Variants in CNTRL observed in about 807,000 individuals in gnomAD.
The protein encoded by CNTRL is 110 kDa centrosomal protein.
CNTRL carries 233 observed loss-of-function variants against 303.7 expected under a neutral mutation model. The observed-to-expected ratio is 0.77, with a 90% CI of 0.69 to 0.86. The LOEUF is 0.86. Among genes scored for constraint, CNTRL ranks in the 40% least tolerant of loss-of-function variants. The pLI, the probability that CNTRL is intolerant of heterozygous loss-of-function variation, is 0.00. For missense variants in CNTRL, 2,524 were observed against 2,650.6 expected (o/e 0.95, Z 1.05); for synonymous variants, 900 against 922.2 (o/e 0.98, Z 0.44).
At chr9:121,171,637 A>G (rs2053309912) in intron 40 of CNTRL, 89 bp downstream of exon 40, 2 of 1,334,190 alleles carry the variant, frequency 1.5e-6, no homozygotes, top group Non-Finnish European at 2.0e-6. Context: ...TATCCCTTCT[A>G]TAGTAGTATA....
intron 26 of CNTRL, 141 bp downstream of exon 26, chr9:121,152,834 C>A: frequency 1.5e-6 from 1 of 662,244 alleles, no homozygotes; most frequent in Non-Finnish European, 2.6e-6. Flanking sequence ...CTGTTGAGCA[C>A]TTGAAATGTG....
rs1225967710 is a variant in CNTRL, at chr9:121,167,521, G to T, written c.5688G>T (p.Val1896=). Residue 1896 remains valine (V), a synonymous_variant, in exon 37 of 44, where the codon GTG becomes GTT. Coordinates refer to ENST00000373855, the MANE Select transcript of CNTRL (RefSeq NM_007018.6). ...TTCACACCACCAAGCATCAGGATGT[G>T]TTGCTCAGTGAGCAGACCCGACTCC... ...DLLHTTKHQD[V]LLSEQTRLQK... 1 of 1,613,852 alleles carries T rather than the reference G, an allele frequency of 6.2e-7. No individual in the cohort carries two copies. The highest frequency in any genetic ancestry group is 8.5e-7 in the Non-Finnish European group (1 of 1,179,970).
At chr9:121,097,030 A>G (rs1358426200) in intron 6 of CNTRL, among the ~76,000 whole-genome samples, 1 of 151,878 alleles carries the variant, frequency 6.6e-6, no homozygotes, top group African/African-American at 2.4e-5. Flanking sequence ...TTTGATTATA[A>G]TGTTAGGTGT....
rs763423974 is a variant in CNTRL, at chr9:121,138,580, G to A, written c.2238G>A (p.Lys746=). The A allele has an allele frequency of 4.3e-6, 7 of 1,613,806 alleles. No homozygotes were observed. Among genetic ancestry groups the A allele is most frequent in the Non-Finnish European group, 5.9e-6 (7 of 1,179,872 alleles). ...EQSALQAELE[K]ERQALKNALG... The stretch of plus-strand genomic sequence containing the variant: ...CAGCCCTTCAAGCAGAACTTGAGAA[G>A]GAAAGGCAAGCCCTCAAGAATGCCC... Residue 746 remains lysine (K), a synonymous_variant, in exon 16 of 44, where the codon AAG becomes AAA. Transcript: ENST00000373855.
Position 121,133,657 on chromosome 9 carries a change from A to G in CNTRL, c.2026-2149A>G, listed in dbSNP as rs181081513. On this transcript the variant is annotated intron_variant, in intron 14 of 43. Coordinates refer to ENST00000373855, the MANE Select transcript of CNTRL (RefSeq NM_007018.6). Reference sequence around the variant, plus strand: ...CTTCGGGTCGCCCTCCATGGGCTGCACCCACTGTCCAATCAGTGCCAATGA... The same window carrying G: ...CTTCGGGTCGCCCTCCATGGGCTGCGCCCACTGTCCAATCAGTGCCAATGA... Among the ~76,000 whole-genome samples the G allele has an allele frequency of 1.8e-4, 27 of 152,310 alleles. No homozygotes were observed. In the East Asian group the frequency reaches 4.4e-3, roughly 25 times the overall value.
Position 121,143,986 on chromosome 9 carries a change from C to T in CNTRL, c.2955C>T (p.Thr985=). The part of the protein sequence containing the change: ...ELKKLKKAVA[T]SDKLATAELT... ...AGAAACTAAAGAAAGCCGTGGCCAC[C>T]TCTGATAAGCTAGCCACAGCTGAGC... The change falls in exon 20 of 44, where the codon ACC becomes ACT. Residue 985 remains threonine (T), a synonymous_variant. Coordinates refer to ENST00000373855, the MANE Select transcript of CNTRL (RefSeq NM_007018.6). 1 of 1,613,876 alleles carries T rather than the reference C, an allele frequency of 6.2e-7. No individual in the cohort carries two copies. Among genetic ancestry groups the T allele is most frequent in the Non-Finnish European group, 8.5e-7 (1 of 1,179,882 alleles).
chr9:121,083,644 A>G (rs1240384045), intron 2 of CNTRL, among the ~76,000 whole-genome samples: 2 of 152,226 alleles, frequency 1.3e-5, no homozygotes, highest in South Asian at 2.1e-4. Context: ...CACTCTAACA[A>G]TGAAAAGTAT....
At chr9:121,094,740 G>A (rs1040038173) in intron 4 of CNTRL, 148 bp from the exon 5 acceptor site, 1 of 531,766 alleles carries the variant, frequency 1.9e-6, no homozygotes, top group Non-Finnish European at 3.2e-6. Context: ...GTCAAGGAGA[G>A]CTGCATCAAG....
rs753646030 is a variant in CNTRL at position 121,157,578 on chromosome 9, G to C, written c.4474G>C (p.Val1492Leu). The change falls in exon 28 of 44, where the codon GTC becomes CTC. Residue 1492 changes from valine to leucine, a missense_variant. Val to Leu is a conservative substitution (Grantham distance 32). Coordinates refer to ENST00000373855, the MANE Select transcript of CNTRL (RefSeq NM_007018.6). Reference sequence around the variant, plus strand: ...AGCTCAGGAAACTGCTGTTAACCTCGTCAAAGCTGATCAGCAGCTAAGGTA... The same window carrying C: ...AGCTCAGGAAACTGCTGTTAACCTCCTCAAAGCTGATCAGCAGCTAAGGTA... ...RRAQETAVNL[V>L]KADQQLRSLQ... 3 of 1,614,056 alleles carry C rather than the reference G, an allele frequency of 1.9e-6. No homozygotes were observed. The highest frequency in any genetic ancestry group is 2.5e-6 in the Non-Finnish European group (3 of 1,179,984).
chr9:121,146,173 C>T lies in CNTRL; in HGVS notation c.3376C>T (p.Gln1126Ter). Reference sequence around the variant, plus strand: ...TGAACTTCGACGTGAAGTTTCTTATCAGAATGATTACATAAGCAGCATGGC... The same window carrying T: ...TGAACTTCGACGTGAAGTTTCTTATTAGAATGATTACATAAGCAGCATGGC... ...IAELRREVSYQNDYISSMADP... is the reference protein window; with the variant it reads ...IAELRREVSY Residue 1126 changes from glutamine to a stop codon, truncating the protein, a stop_gained, in exon 23 of 44, where the codon CAG (glutamine) becomes TAG (stop). Coordinates refer to ENST00000373855, the MANE Select transcript of CNTRL (RefSeq NM_007018.6). LOFTEE classifies it high-confidence loss of function. 6.2e-7 allele frequency: 1 copy of T among 1,613,670 alleles called. No individual in the cohort carries two copies. The highest frequency in any genetic ancestry group is 8.5e-7 in the Non-Finnish European group (1 of 1,179,834).
chr9:121,129,355 T>A (rs1300828362), intron 14 of CNTRL, among the ~76,000 whole-genome samples: 1 of 152,210 alleles, frequency 6.6e-6, no homozygotes, highest in Non-Finnish European at 1.5e-5. Flanking sequence ...GTCCTTCACA[T>A]CCCTTGTAAG....
chr9:121,138,746 A>G (rs1003677056), intron 16 of CNTRL, 67 bp downstream of exon 16: 3 of 1,541,830 alleles, frequency 1.9e-6, no homozygotes, highest in African/African-American at 1.4e-5. Flanking sequence ...ATCTTTAGTC[A>G]GGCACTTAGC....
intron 5 of CNTRL, 110 bp from the exon 6 acceptor site, chr9:121,096,312 T>C (rs1041309818): frequency 1.8e-4 from 126 of 693,730 alleles, no homozygotes; most frequent in Non-Finnish European, 2.2e-4. Context: ...TGATAAATTA[T>C]CATTATGAAA....
intron 1 of CNTRL, among the ~76,000 whole-genome samples, chr9:121,077,975 A>G (rs1228895433): frequency 6.6e-6 from 1 of 151,920 alleles, no homozygotes; most frequent in Non-Finnish European, 1.5e-5. Flanking sequence ...ACTACGTACT[A>G]TACATACTAT....
At position 121,148,753 on chromosome 9, in the gene CNTRL, C is replaced by A. The variant is rs148020653; in HGVS notation, c.3541C>A (p.Arg1181Ser). Residue 1181 changes from arginine (R) to serine (S), a missense_variant, in exon 24 of 44, where the codon CGC becomes AGC. Coordinates refer to ENST00000373855, the MANE Select transcript of CNTRL (RefSeq NM_007018.6). ...YSASTPVRKP[R>S]PGQQDGKEGS... The stretch of plus-strand genomic sequence containing the variant: ...AGCCTCAACTCCTGTTAGAAAACCA[C>A]GCCCTGGGCAGCAGGATGGGAAGGA... 2.5e-6 allele frequency: 4 copies of A among 1,614,010 alleles called. No homozygotes were observed. Among genetic ancestry groups the A allele is most frequent in the Non-Finnish European group, 3.4e-6 (4 of 1,179,998 alleles).
chr9:121,162,322 A>T, intron 34 of CNTRL, 51 bp downstream of exon 34: 1 of 1,473,870 alleles, frequency 6.8e-7, no homozygotes, highest in South Asian at 1.1e-5. Context: ...AGGCCAAAGC[A>T]TTATAAACAC....
chr9:121,170,769 T>C (rs1249010914), intron 39 of CNTRL, among the ~76,000 whole-genome samples: 1 of 152,232 alleles, frequency 6.6e-6, no homozygotes, highest in Non-Finnish European at 1.5e-5. Flanking sequence ...ATTACACTGC[T>C]GTAGTCAGTG....
At chr9:121,169,465 A>G (rs905006069) in intron 38 of CNTRL, 146 bp from the exon 39 acceptor site, 1 of 751,728 alleles carries the variant, frequency 1.3e-6, no homozygotes, top group East Asian at 2.7e-5. Context: ...GGTGTGGGTC[A>G]GGGTAGGCTT....
Position 121,157,787 on chromosome 9 carries a change from A to G in CNTRL, c.4544A>G (p.Gln1515Arg). 6.2e-7 allele frequency: 1 copy of G among 1,614,256 alleles called. No individual in the cohort carries two copies. The highest frequency in any genetic ancestry group is 8.5e-7 in the Non-Finnish European group (1 of 1,180,044). Residue 1515 changes from glutamine to arginine, a missense_variant, in exon 29 of 44, where the codon CAA (glutamine) becomes CGA (arginine). By Grantham distance (43) the Gln-to-Arg change is conservative. Coordinates refer to ENST00000373855, the MANE Select transcript of CNTRL (RefSeq NM_007018.6). ...AKDLEQHKIKQEEILKEINKI... is the reference protein window; with the variant it reads ...AKDLEQHKIKREEILKEINKI... ...GATTTGGAGCAGCACAAAATCAAGC[A>G]AGAAGAAATCTTGAAAGAAATAAAC...
Sources: allele counts gnomAD v4.1 joint callset (sites outside exome capture counted in the v4.1 genomes callset), GRCh38; gene constraint gnomAD v4.1.1; transcripts MANE v1.5; gene names NCBI Gene and HGNC (gene_info 2026-07-23, HGNC 2026-07-21).